The following SLC5A4 variants were observed in gnomAD, a reference collection of about 807,000 sequenced individuals.
SLC5A4 encodes the protein solute carrier family 5 member 4.
SLC5A4 carries 55 observed loss-of-function variants against 70.3 expected under a neutral mutation model. That is an observed-to-expected ratio of 0.78 (90% CI 0.63 to 0.98). The LOEUF (loss-of-function observed/expected upper bound fraction) is 0.98, where lower values mean the gene tolerates loss of function less well. SLC5A4 is among the 50% of genes least tolerant of loss of function. The probability of loss-of-function intolerance (pLI) is 0.00; values close to 1 mark genes in which losing one functional copy is unlikely to be tolerated. For synonymous variants in SLC5A4, 268 were observed against 305.7 expected (o/e 0.88, Z 1.29); for missense variants, 735 against 839.2 (o/e 0.88, Z 1.53).
intron 7 of SLC5A4, 62 bp from the exon 8 acceptor site, chr22:32,235,155 G>C (rs1925992454): frequency 2.4e-6 from 3 of 1,240,304 alleles, no homozygotes; most frequent in Non-Finnish European, 3.5e-6. Context: ...CAATGTTTAT[G>C]ATGACTACTT....
intron 4 of SLC5A4, among the ~76,000 whole-genome samples, chr22:32,248,170 T>C (rs931458677): frequency 2.0e-5 from 3 of 152,200 alleles, no homozygotes; most frequent in African/African-American, 7.2e-5. Context: ...CCAGGTTTCA[T>C]GATTGAAGAG....
intron 13 of SLC5A4, among the ~76,000 whole-genome samples, chr22:32,223,983 C>T (rs1048808317): frequency 3.3e-5 from 5 of 151,948 alleles, no homozygotes; most frequent in Non-Finnish European, 5.9e-5. Context: ...TGCAGTGGCC[C>T]GATCTTGGCT....
chr22:32,302,058 C>A, the SLC5A4 span, among the ~76,000 whole-genome samples: 5 of 152,158 alleles, frequency 3.3e-5, no homozygotes, highest in South Asian at 4.2e-4. Flanking sequence ...GGTAATTCTT[C>A]ATGACTTTGG....
the SLC5A4 span, among the ~76,000 whole-genome samples, chr22:32,324,671 CTCAGTG>C: frequency 6.6e-6 from 1 of 152,204 alleles, no homozygotes; most frequent in East Asian, 1.9e-4. Context: ...TGTCCACGGC[CTCAGTG>C]TCAGACAAGC....
rs1261350863 is a variant in SLC5A4, at chr22:32,225,704, A to G, written c.1400T>C (p.Ile467Thr). The change falls in exon 12 of 15, where the codon ATT (isoleucine) becomes ACT (threonine). Residue 467 changes from isoleucine to threonine, a missense_variant. Transcript: ENST00000266086. ...ESISSYLGPP[I>T]AAVFVLAIFC... The stretch of plus-strand genomic sequence containing the variant: ...GATGGCAAGCACAAAGACAGCTGCA[A>G]TTGGAGGCCCAAGGTAGCTAGAAAT... 1.2e-6 allele frequency: 2 copies of G among 1,613,410 alleles called. No individual in the cohort carries two copies. Among genetic ancestry groups the G allele is most frequent in the Admixed American group, 1.7e-5 (1 of 59,938 alleles).
the SLC5A4 span, among the ~76,000 whole-genome samples, chr22:32,305,636 G>A: frequency 7.2e-6 from 1 of 139,642 alleles, no homozygotes; most frequent in South Asian, 2.3e-4. Flanking sequence ...TCTCCTGCTG[G>A]CGGGTGGGGC....
chr22:32,322,675 T>C, the SLC5A4 span, among the ~76,000 whole-genome samples: 8 of 150,890 alleles, frequency 5.3e-5, no homozygotes, highest in African/African-American at 2.0e-4. Context: ...GCTTCCTGGG[T>C]GGAGCCCTCG....
intron 5 of SLC5A4, among the ~76,000 whole-genome samples, chr22:32,241,775 A>ATATG (rs1456982190): frequency 7.2e-6 from 1 of 139,110 alleles, no homozygotes; most frequent in African/African-American, 2.9e-5. Flanking sequence ...ACATATATAT[A>ATATG]TGTGTGTGTG....
At chr22:32,353,758 A>C in the SLC5A4 span, among the ~76,000 whole-genome samples, 1 of 151,500 alleles carries the variant, frequency 6.6e-6, no homozygotes, top group Non-Finnish European at 1.5e-5. Context: ...TGCCGCGGGC[A>C]GTGCAGCCCG....
chr22:32,244,673 G>T, intron 5 of SLC5A4, among the ~76,000 whole-genome samples: 2 of 152,220 alleles, frequency 1.3e-5, no homozygotes, highest in Middle Eastern at 6.8e-3. Flanking sequence ...GACAATAAAT[G>T]TGTGCCCCCA....
At chr22:32,338,800 A>G in the SLC5A4 span, among the ~76,000 whole-genome samples, 1 of 152,120 alleles carries the variant, frequency 6.6e-6, no homozygotes, top group East Asian at 1.9e-4. Flanking sequence ...GAGACCCATA[A>G]AACTGTCACC....
chr22:32,317,414 C>T, the SLC5A4 span, among the ~76,000 whole-genome samples: 1 of 152,158 alleles, frequency 6.6e-6, no homozygotes, highest in South Asian at 2.1e-4. Flanking sequence ...GAGTTAACAG[C>T]AGAAGAAAGG....
At chr22:32,239,562 A>ATT (rs1926342560) in intron 5 of SLC5A4, among the ~76,000 whole-genome samples, 1 of 20,518 alleles carries the variant, frequency 4.9e-5, no homozygotes, top group Admixed American at 4.9e-4. Context: ...ATATATATAT[A>ATT]TATATATTTA....
chr22:32,227,470 C>G (rs1332636358), intron 11 of SLC5A4, among the ~76,000 whole-genome samples: 1 of 152,164 alleles, frequency 6.6e-6, no homozygotes, highest in African/African-American at 2.4e-5. Flanking sequence ...GTTACTGTCA[C>G]CAACAAAGTA....
At chr22:32,292,140 TTATATTC>T in the SLC5A4 span, among the ~76,000 whole-genome samples, 2 of 50,706 alleles carry the variant, frequency 3.9e-5, no homozygotes, top group African/African-American at 1.4e-4. Flanking sequence ...ATATTATATA[TTATATTC>T]TATATATTAT....
At chr22:32,330,518 C>CTG in the SLC5A4 span, among the ~76,000 whole-genome samples, 15 of 82,616 alleles carry the variant, frequency 1.8e-4, no homozygotes, top group East Asian at 2.3e-3. Flanking sequence ...GTGTTGGGGG[C>CTG]TGTGTGTGTC....
At chr22:32,249,909 A>AT (rs202014333) in intron 3 of SLC5A4, among the ~76,000 whole-genome samples, 510 of 149,872 alleles carry the variant, frequency 3.4e-3, no homozygotes, top group Non-Finnish European at 4.3e-3. Flanking sequence ...TTTTTTGGTG[A>AT]TTTTTTTTTT....
rs1192107546 is a variant in SLC5A4 at position 32,229,383 on chromosome 22, G to A, written c.1130-39C>T. 4 of 1,602,364 alleles carry A rather than the reference G, an allele frequency of 2.5e-6. No individual in the cohort carries two copies. In the East Asian group the frequency reaches 6.7e-5, roughly 27 times the overall value. On this transcript the variant is annotated intron_variant, in intron 10 of 14. Coordinates refer to ENST00000266086, the MANE Select transcript of SLC5A4 (RefSeq NM_014227.3). ...AGGGTACAAGCACTGGTTAGTGGCTGGACACTGCCTTGCTAAACCAGAGAG... is the reference window on the plus strand; with the variant it reads ...AGGGTACAAGCACTGGTTAGTGGCTAGACACTGCCTTGCTAAACCAGAGAG...
chr22:32,239,187 A>G, intron 5 of SLC5A4, 97 bp from the exon 6 acceptor site: 1 of 850,870 alleles, frequency 1.2e-6, no homozygotes, highest in Non-Finnish European at 1.9e-6. Context: ...TCTTTTTCTG[A>G]TAGACTCCTA....
Sources: allele counts gnomAD v4.1 joint callset (sites outside exome capture counted in the v4.1 genomes callset), GRCh38; gene constraint gnomAD v4.1.1; transcripts MANE v1.5; gene names NCBI Gene and HGNC (gene_info 2026-07-23, HGNC 2026-07-21).